The following EFNA5 variants were observed in gnomAD, a reference collection of about 807,000 sequenced individuals.
EFNA5 encodes the protein ephrin-A5.
EFNA5 carries 5 observed loss-of-function variants against 22.9 expected under a neutral mutation model. The ratio of observed to expected loss-of-function variants is 0.22; its 90% CI spans 0.11 to 0.46. The LOEUF (loss-of-function observed/expected upper bound fraction) is 0.46, where lower values mean the gene tolerates loss of function less well. Among genes scored for constraint, EFNA5 ranks in the 20% least tolerant of loss-of-function variants. The pLI is 0.99. For missense variants in EFNA5, 237 were observed against 293.3 expected (o/e 0.81, Z 1.40); for synonymous variants, 113 against 112.2 (o/e 1.01, Z -0.04).
chr5:107,638,377 T>A (rs995480816), intron 1 of EFNA5, among the ~76,000 whole-genome samples: 1 of 152,098 alleles, frequency 6.6e-6, no homozygotes, highest in Non-Finnish European at 1.5e-5. Context: ...GAGATGTTAG[T>A]CAAAGAACAC....
chr5:107,510,027 C>T (rs1747335893), intron 1 of EFNA5, among the ~76,000 whole-genome samples: 1 of 152,280 alleles, frequency 6.6e-6, no homozygotes, highest in East Asian at 1.9e-4. Flanking sequence ...AGCTACTAGG[C>T]TGCTTTCCCA....
chr5:107,420,921 T>C (rs528074555), intron 2 of EFNA5, among the ~76,000 whole-genome samples: 24 of 152,300 alleles, frequency 1.6e-4, no homozygotes, highest in African/African-American at 4.8e-4. Context: ...AAAACTATAT[T>C]CTGAATTCTA....
intron 2 of EFNA5, among the ~76,000 whole-genome samples, chr5:107,390,022 T>C (rs921620374): frequency 5.9e-5 from 9 of 152,200 alleles, no homozygotes; most frequent in Non-Finnish European, 1.3e-4. Flanking sequence ...CAACACAGAT[T>C]GCATGCCATG....
intron 1 of EFNA5, among the ~76,000 whole-genome samples, chr5:107,541,747 G>C (rs1459622370): frequency 6.6e-6 from 1 of 152,188 alleles, no homozygotes; most frequent in Non-Finnish European, 1.5e-5. Context: ...TTTTATACTT[G>C]ATAAGAGGAT....
intron 1 of EFNA5, among the ~76,000 whole-genome samples, chr5:107,480,497 A>C (rs1750428700): frequency 6.6e-6 from 1 of 152,222 alleles, no homozygotes; most frequent in Non-Finnish European, 1.5e-5. Flanking sequence ...AAAAATGTTA[A>C]TGCGCCAGGC....
chr5:107,637,959 G>A (rs62355658), intron 1 of EFNA5, among the ~76,000 whole-genome samples: 12,370 of 151,254 alleles, frequency 0.082, 566 homozygotes, highest in Middle Eastern at 0.17. Context: ...CCATTCTCCT[G>A]CCTCAGCCTC....
At chr5:107,623,952 G>A (rs1750093699) in intron 1 of EFNA5, among the ~76,000 whole-genome samples, 1 of 151,994 alleles carries the variant, frequency 6.6e-6, no homozygotes, top group Admixed American at 6.6e-5. Context: ...AAGAAAGGTA[G>A]AATTTTTTTT....
intron 1 of EFNA5, among the ~76,000 whole-genome samples, chr5:107,588,509 C>T (rs977756902): frequency 5.9e-5 from 9 of 152,306 alleles, no homozygotes; most frequent in South Asian, 2.1e-4. Context: ...GTTCATAGAC[C>T]AGTTTATGCT....
intron 1 of EFNA5, among the ~76,000 whole-genome samples, chr5:107,464,887 G>A (rs1038185192): frequency 1.3e-5 from 2 of 152,114 alleles, no homozygotes; most frequent in East Asian, 3.9e-4. Context: ...CTCACTCTGC[G>A]TCCTGACAGA....
chr5:107,607,974 T>C (rs1233047270), intron 1 of EFNA5, among the ~76,000 whole-genome samples: 1 of 152,096 alleles, frequency 6.6e-6, no homozygotes, highest in African/African-American at 2.4e-5. Context: ...CCAAGCGATC[T>C]ACTCTCCATC....
At chr5:107,438,878 T>G (rs1325752202) in intron 1 of EFNA5, among the ~76,000 whole-genome samples, 1 of 152,232 alleles carries the variant, frequency 6.6e-6, no homozygotes, top group African/African-American at 2.4e-5. Context: ...GGCTTTATCC[T>G]GGAACTTTTG....
chr5:107,547,436 T>C (rs1748188338), intron 1 of EFNA5, among the ~76,000 whole-genome samples: 1 of 152,056 alleles, frequency 6.6e-6, no homozygotes, highest in African/African-American at 2.4e-5. Flanking sequence ...TGTCACATAG[T>C]ATCCTCCAAG....
At chr5:107,609,483 C>T (rs1002997864) in intron 1 of EFNA5, among the ~76,000 whole-genome samples, 6 of 152,104 alleles carry the variant, frequency 3.9e-5, no homozygotes, top group Middle Eastern at 6.8e-3. Context: ...AGTAGATCCA[C>T]GTCAAAATCA....
chr5:107,413,632 G>A (rs1467381134), intron 2 of EFNA5, among the ~76,000 whole-genome samples: 1 of 151,938 alleles, frequency 6.6e-6, no homozygotes. Context: ...ATTTTTATGT[G>A]GCTTTCTGAT....
intron 1 of EFNA5, among the ~76,000 whole-genome samples, chr5:107,645,389 T>C (rs529388179): frequency 7.2e-5 from 11 of 152,326 alleles, no homozygotes; most frequent in Middle Eastern, 3.4e-3. Context: ...GTACTACCCT[T>C]CATAATTTGT....
chr5:107,503,664 TG>T (rs1367359097), intron 1 of EFNA5, among the ~76,000 whole-genome samples: 2 of 151,984 alleles, frequency 1.3e-5, no homozygotes, highest in African/African-American at 4.8e-5. Flanking sequence ...AGGCAAAATA[TG>T]TAAAAGCACT....
At chr5:107,595,955 A>C (rs1263966998) in intron 1 of EFNA5, among the ~76,000 whole-genome samples, 1 of 152,252 alleles carries the variant, frequency 6.6e-6, no homozygotes, top group Non-Finnish European at 1.5e-5. Context: ...GGCAATAAGC[A>C]AAAGGCTTAC....
intron 1 of EFNA5, among the ~76,000 whole-genome samples, chr5:107,569,559 T>TTA (rs70996962): frequency 0.031 from 1,299 of 42,348 alleles, 28 homozygotes; most frequent in East Asian, 0.12. Context: ...ATATATATAT[T>TTA]TATATATATA....
chr5:107,585,820 T>G (rs2112498001), intron 1 of EFNA5, among the ~76,000 whole-genome samples: 1 of 152,318 alleles, frequency 6.6e-6, no homozygotes, highest in East Asian at 1.9e-4. Context: ...GGTTAGAAGT[T>G]AAGTTACATA....
Sources: gnomAD v4.1 joint callset for allele counts (sites outside exome capture counted in the v4.1 genomes callset) on GRCh38, gnomAD v4.1.1 for gene constraint, MANE v1.5 for transcripts, NCBI Gene and HGNC (gene_info 2026-07-23, HGNC 2026-07-21) for gene names.